GGH: variants seen among roughly 807,000 people sequenced by gnomAD.
GGH encodes gamma-Glu-X carboxypeptidase.
GGH carries 18 observed loss-of-function variants against 39.2 expected under a neutral mutation model. The observed-to-expected ratio is 0.46, with a 90% confidence interval of 0.32 to 0.68. GGH has a LOEUF of 0.68. GGH is among the 30% of genes least tolerant of loss of function. GGH has a pLI of 0.04. For missense variants in GGH, 367 were observed against 384.1 expected (o/e 0.96, Z 0.37); for synonymous variants, 147 against 138.8 (o/e 1.06, Z -0.42).
chr8:63,032,509 G>A (rs932688614), intron 2 of GGH, among the ~76,000 whole-genome samples: 6 of 152,180 alleles, frequency 3.9e-5, no homozygotes, highest in African/African-American at 1.4e-4. Context: ...AGAAGGGGCA[G>A]AAAGAAGGCA....
Position 63,015,314 on chromosome 8 carries a change from T to C in GGH, c.*18A>G, listed in dbSNP as rs1284283874. On this transcript the variant is annotated 3_prime_UTR_variant, in exon 9 of 9. Coordinates refer to ENST00000260118, the MANE Select transcript of GGH (RefSeq NM_003878.3). ...CATGGAATTATTCAAATTTGCTCTG[T>C]TAACAAATTGAAGACTTTCAATCAA... 5 of 1,295,530 alleles carry C rather than the reference T, an allele frequency of 3.9e-6. No individual in the cohort carries two copies. The African/African-American group carries it at 4.5e-5, about 12-fold the overall frequency. 80.3% of individuals were successfully genotyped at this position (1,295,530 alleles called of 1,614,324 possible).
chr8:63,020,650 AGAG>A (rs1477836843), intron 7 of GGH, among the ~76,000 whole-genome samples: 5 of 152,212 alleles, frequency 3.3e-5, no homozygotes, highest in African/African-American at 4.8e-5. Flanking sequence ...GGAGCTTTTC[AGAG>A]AAGAGGAAAG....
Position 63,035,442 on chromosome 8 carries a change from A to G in GGH, c.224+214T>C, listed in dbSNP as rs533799168. On this transcript the variant is annotated intron_variant, in intron 2 of 8. Coordinates refer to ENST00000260118, the MANE Select transcript of GGH (RefSeq NM_003878.3). ...TGCCTCAGCCTCCCCAGTAGCTGGGATTACAGGAGTGCACTACTGCACCCA... is the reference window on the plus strand; with the variant it reads ...TGCCTCAGCCTCCCCAGTAGCTGGGGTTACAGGAGTGCACTACTGCACCCA... 1.6e-4 allele frequency among the ~76,000 whole-genome samples: 24 copies of G among 152,098 alleles called. No homozygotes were observed. The East Asian group carries it at 3.3e-3, about 21-fold the overall frequency.
intron 7 of GGH, among the ~76,000 whole-genome samples, chr8:63,021,225 G>T (rs1804579400): frequency 6.6e-6 from 1 of 152,104 alleles, no homozygotes; most frequent in African/African-American, 2.4e-5. Flanking sequence ...GTACATGCAG[G>T]TGTGTTCACT....
At position 63,027,209 on chromosome 8, in the gene GGH, G is replaced by T; in HGVS notation, c.332C>A (p.Ala111Asp). ...DLRRSDYAKV[A>D]KIFYNLSIQS... Reference sequence around the variant, plus strand: ...TATGGACAAGTTATAAAATATTTTGGCCACTTTAGCATAATCTGAGCGTCT... The same window carrying T: ...TATGGACAAGTTATAAAATATTTTGTCCACTTTAGCATAATCTGAGCGTCT... The change falls in exon 4 of 9, where the codon GCC (alanine) becomes GAC (aspartate). Residue 111 changes from alanine to aspartate, a missense_variant. Physicochemically the swap from Ala to Asp is moderately radical, Grantham distance 126 (BLOSUM62 -2). Coordinates refer to ENST00000260118, the MANE Select transcript of GGH (RefSeq NM_003878.3). 1 of 1,558,052 alleles carries T rather than the reference G, an allele frequency of 6.4e-7. No individual in the cohort carries two copies. Among genetic ancestry groups the T allele is most frequent in the East Asian group, 2.2e-5 (1 of 44,610 alleles).
intron 5 of GGH, among the ~76,000 whole-genome samples, chr8:63,025,628 G>A (rs1804669413): frequency 6.6e-6 from 1 of 152,156 alleles, no homozygotes; most frequent in South Asian, 2.1e-4. Context: ...CTACTCAGGG[G>A]GCTGAGGCAG....
intron 7 of GGH, among the ~76,000 whole-genome samples, chr8:63,021,625 G>C (rs1463162751): frequency 1.3e-5 from 2 of 149,464 alleles, no homozygotes; most frequent in Non-Finnish European, 3.0e-5. Context: ...AAGTGGACAG[G>C]ACAATCAAGT....
In GGH at chr8:63,033,998, T is replaced by TATATAC. The variant is rs1317662148; in HGVS notation, c.224+1657_224+1658insGTATAT. On this transcript the variant is annotated intron_variant, in intron 2 of 8. Coordinates refer to ENST00000260118, the MANE Select transcript of GGH (RefSeq NM_003878.3). ...TTGTCTCTCCTTATATATATATATA[T>TATATAC]ATGTCTCTCCTTATATATATATATA... 2.1e-5 allele frequency among the ~76,000 whole-genome samples: 3 copies of TATATAC among 145,880 alleles called. No individual in the cohort carries two copies. In the East Asian group the frequency reaches 5.9e-4, roughly 29 times the overall value.
chr8:63,033,119 A>G (rs1585673583), intron 2 of GGH, among the ~76,000 whole-genome samples: 1 of 152,202 alleles, frequency 6.6e-6, no homozygotes, highest in Non-Finnish European at 1.5e-5. Context: ...GGTTCACAGC[A>G]AAATTAAGAG....
rs1804682164 is a variant in GGH at position 63,026,270 on chromosome 8, A to T, written c.387T>A (p.Pro129=). 6.2e-7 allele frequency: 1 copy of T among 1,607,308 alleles called. No individual in the cohort carries two copies. The highest frequency in any genetic ancestry group is 8.5e-7 in the Non-Finnish European group (1 of 1,176,954). The part of the protein sequence containing the change: ...IQSFDDGDYF[P]VWGTCLGFEE... Reference sequence around the variant, plus strand: ...CAAATCCAAGGCATGTGCCCCACACAGGAAAATAGTCTCCATCATCAAAAC... The same window carrying T: ...CAAATCCAAGGCATGTGCCCCACACTGGAAAATAGTCTCCATCATCAAAAC... Residue 129 remains proline, a synonymous_variant, in exon 5 of 9, where the codon CCT becomes CCA. Transcript: ENST00000260118.
At chr8:63,026,469 C>T (rs1248990981) in intron 4 of GGH, among the ~76,000 whole-genome samples, 173 bp from the exon 5 acceptor site, 1 of 152,236 alleles carries the variant, frequency 6.6e-6, no homozygotes, top group East Asian at 1.9e-4. Context: ...CAAGCTCCCA[C>T]ACAGGCTGGA....
intron 3 of GGH, among the ~76,000 whole-genome samples, chr8:63,028,713 C>T (rs903275897): frequency 6.6e-5 from 10 of 152,060 alleles, no homozygotes; most frequent in African/African-American, 1.9e-4. Context: ...ATGCAGAAAA[C>T]GAGTGAGGAA....
intron 7 of GGH, among the ~76,000 whole-genome samples, chr8:63,018,208 GC>G (rs1804521513): frequency 6.6e-6 from 1 of 152,040 alleles, no homozygotes; most frequent in South Asian, 2.1e-4. Context: ...AATTGTCAAA[GC>G]TGATAGATAG....
chr8:63,038,388 A>T (rs1229072876), intron 1 of GGH, among the ~76,000 whole-genome samples: 1 of 152,268 alleles, frequency 6.6e-6, no homozygotes, highest in African/African-American at 2.4e-5. Context: ...TGTACAAAAA[A>T]AGAAAATCCG....
At chr8:63,021,823 G>A (rs1963949) in intron 7 of GGH, among the ~76,000 whole-genome samples, 15,200 of 151,832 alleles carry the variant, frequency 0.1, 987 homozygotes, top group East Asian at 0.34. Context: ...ACAGGCGTGC[G>A]CCACCACGCC....
At chr8:63,028,405 G>A (rs796108090) in intron 3 of GGH, 14 of 152,038 alleles carry the variant, frequency 9.2e-5, no homozygotes, top group African/African-American at 3.1e-4. Flanking sequence ...ACCAAATACG[G>A]TATGTCTAAC....
chr8:63,028,289 G>C (rs1334391199), intron 3 of GGH: 1 of 151,986 alleles, frequency 6.6e-6, no homozygotes, highest in Non-Finnish European at 1.5e-5. Flanking sequence ...AGACTCATTA[G>C]CATTCTCTCT....
At chr8:63,025,334 A>T (rs1405877047) in intron 5 of GGH, 1 of 152,200 alleles carries the variant, frequency 6.6e-6, no homozygotes, top group African/African-American at 2.4e-5. Context: ...AGTATGAAAG[A>T]GGGGCTGGAG....
At chr8:63,029,948 A>G (rs919502190) in intron 3 of GGH, 7 of 367,582 alleles carry the variant, frequency 1.9e-5, no homozygotes, top group East Asian at 8.4e-5. Flanking sequence ...TGTGTCTACT[A>G]TGTAACAATT....
Sources: allele counts gnomAD v4.1 joint callset (sites outside exome capture counted in the v4.1 genomes callset), GRCh38; gene constraint gnomAD v4.1.1; transcripts MANE v1.5; gene names NCBI Gene and HGNC (gene_info 2026-07-23, HGNC 2026-07-21).